Variants in MYO16 observed in about 807,000 individuals in gnomAD.
MYO16 encodes the protein unconventional myosin-XVI.
Under a neutral mutation model 205.3 loss-of-function variants are expected in MYO16, and 94 were observed. That is an observed-to-expected ratio of 0.46 (90% CI 0.39 to 0.54). The LOEUF (loss-of-function observed/expected upper bound fraction) is 0.54, where lower values mean the gene tolerates loss of function less well. MYO16 is among the 20% of genes least tolerant of loss of function. The pLI is 0.00. For missense variants in MYO16, 2,315 were observed against 2,387.5 expected (o/e 0.97, Z 0.63); for synonymous variants, 988 against 954.0 (o/e 1.04, Z -0.66).
intron 20 of MYO16, among the ~76,000 whole-genome samples, chr13:108,978,510 C>T (rs533559292): frequency 6.6e-6 from 1 of 151,856 alleles, no homozygotes; most frequent in Non-Finnish European, 1.5e-5. Context: ...TTCCTTTGCT[C>T]TTGTGAGACA....
At chr13:109,191,922 A>G (rs199606422) in intron 34 of MYO16, among the ~76,000 whole-genome samples, 3 of 152,214 alleles carry the variant, frequency 2.0e-5, no homozygotes, top group East Asian at 3.8e-4. Flanking sequence ...TATTAGACAT[A>G]TAGTTCTGTT....
rs373649 is a variant in MYO16 at position 108,826,630 on chromosome 13, T to A, written c.1097+3352T>A. ...AAAAAAGACACACAATGGGAGAAAA[T>A]TTCTTCAGTGCTATATCTAACAAAA... On this transcript the variant is annotated intron_variant, in intron 9 of 34. Coordinates refer to ENST00000457511, the MANE Select transcript of MYO16 (RefSeq NM_001198950.3). Among the ~76,000 whole-genome samples, 366 of 151,480 alleles carry A rather than the reference T, an allele frequency of 2.4e-3. 6 individuals are homozygous for A. The highest frequency in any genetic ancestry group is 7.6e-3 in the African/African-American group (314 of 41,294).
rs570548813 is a variant in MYO16 at position 109,127,109 on chromosome 13, C to T, written c.3783-173C>T. Among the ~76,000 whole-genome samples the T allele has an allele frequency of 5.8e-4, 89 of 152,248 alleles. No homozygotes were observed. The highest frequency in any genetic ancestry group is 1.4e-3 in the South Asian group (7 of 4,830). ...AAAGCCGGAGCCAGAGGACGGGTGG[C>T]CTTCTCTGGACCAACTGGTCACCAG... On this transcript the variant is annotated intron_variant, in intron 30 of 34. Transcript: ENST00000457511. This position sits in a 1 kb window ranked among gnomAD's most constrained non-coding sequence, Gnocchi z 4.2.
intron 4 of MYO16, among the ~76,000 whole-genome samples, chr13:108,784,026 C>T (rs547177349): frequency 4.7e-4 from 71 of 152,310 alleles, no homozygotes; most frequent in African/African-American, 1.6e-3. Flanking sequence ...GTTATGGCTA[C>T]ATGGCTGTGA....
intron 9 of MYO16, among the ~76,000 whole-genome samples, chr13:108,840,644 C>A (rs1048290963): frequency 6.6e-6 from 1 of 152,050 alleles, no homozygotes; most frequent in Non-Finnish European, 1.5e-5. Flanking sequence ...CCCAAGTGAT[C>A]CTCCCACCTC....
At chr13:109,130,146 CT>C (rs1183507260) in intron 31 of MYO16, among the ~76,000 whole-genome samples, 1 of 151,978 alleles carries the variant, frequency 6.6e-6, no homozygotes, top group East Asian at 1.9e-4. Flanking sequence ...TCTTAAATTC[CT>C]TATTACATGC....
intron 6 of MYO16, among the ~76,000 whole-genome samples, chr13:108,794,060 G>A (rs1206765470): frequency 6.6e-6 from 1 of 152,164 alleles, no homozygotes; most frequent in African/African-American, 2.4e-5. Context: ...CATTACCTAA[G>A]AGAATTACCA....
intron 13 of MYO16, among the ~76,000 whole-genome samples, chr13:108,885,930 T>C (rs1459421624): frequency 6.6e-6 from 1 of 152,122 alleles, no homozygotes; most frequent in Non-Finnish European, 1.5e-5. Flanking sequence ...TGACAGGTAT[T>C]TGCTCATGGA....
At chr13:108,953,670 A>T (rs999045928) in intron 16 of MYO16, among the ~76,000 whole-genome samples, 1 of 149,966 alleles carries the variant, frequency 6.7e-6, no homozygotes, top group Non-Finnish European at 1.5e-5. Context: ...TTTTGCCCTT[A>T]TGTGAGATTT....
At chr13:108,995,643 T>A (rs1333531226) in intron 21 of MYO16, among the ~76,000 whole-genome samples, 1 of 152,078 alleles carries the variant, frequency 6.6e-6, no homozygotes, top group African/African-American at 2.4e-5. Context: ...CCTGTGCCCA[T>A]GTGTTCTCAT....
At chr13:108,653,351 A>T (rs1461394000) in intron 1 of MYO16, among the ~76,000 whole-genome samples, 1 of 152,146 alleles carries the variant, frequency 6.6e-6, no homozygotes, top group Non-Finnish European at 1.5e-5. Flanking sequence ...TTTCACTGTG[A>T]TGCTTATGTA....
intron 34 of MYO16, among the ~76,000 whole-genome samples, chr13:109,184,593 GTT>G (rs869054350): frequency 7.4e-5 from 11 of 147,774 alleles, no homozygotes; most frequent in Admixed American, 1.4e-4. Flanking sequence ...TAGTGACTAT[GTT>G]TTTTTTTGTT....
intron 29 of MYO16, among the ~76,000 whole-genome samples, chr13:109,121,497 T>A (rs1875988818): frequency 6.6e-6 from 1 of 152,174 alleles, no homozygotes; most frequent in Non-Finnish European, 1.5e-5. Flanking sequence ...CTTTGGCCGG[T>A]CATTTGTAAC....
chr13:108,601,443 A>G (rs746382368), intron 1 of MYO16, among the ~76,000 whole-genome samples: 6 of 152,182 alleles, frequency 3.9e-5, no homozygotes, highest in Non-Finnish European at 8.8e-5. Context: ...ACAAAGGGGA[A>G]AACCAAATTA....
chr13:108,952,986 G>A (rs886502150), intron 16 of MYO16, among the ~76,000 whole-genome samples: 1 of 152,130 alleles, frequency 6.6e-6, no homozygotes, highest in African/African-American at 2.4e-5. Context: ...CTCAACCACT[G>A]TGTTGAGATT....
intron 16 of MYO16, among the ~76,000 whole-genome samples, chr13:108,943,176 A>G (rs1882798327): frequency 6.6e-6 from 1 of 152,338 alleles, no homozygotes; most frequent in East Asian, 1.9e-4. Context: ...TTGCCCAAAC[A>G]TAAACACTGT....
chr13:108,821,706 G>T (rs1393297190), intron 8 of MYO16, among the ~76,000 whole-genome samples: 1 of 152,068 alleles, frequency 6.6e-6, no homozygotes, highest in Non-Finnish European at 1.5e-5. Flanking sequence ...TCAAACAGAT[G>T]TCCAGGCATG....
At chr13:109,073,180 G>A (rs1260151986) in intron 27 of MYO16, among the ~76,000 whole-genome samples, 1 of 151,008 alleles carries the variant, frequency 6.6e-6, no homozygotes, top group Non-Finnish European at 1.5e-5. Flanking sequence ...CAGCTCACTG[G>A]AACCTCCTCC....
At chr13:108,856,892 C>A (rs1878204165) in intron 11 of MYO16, among the ~76,000 whole-genome samples, 1 of 152,128 alleles carries the variant, frequency 6.6e-6, no homozygotes, top group African/African-American at 2.4e-5. Context: ...TTTTATAAAG[C>A]ACAAATGTAA....
Sources: allele counts gnomAD v4.1 joint callset (sites outside exome capture counted in the v4.1 genomes callset), GRCh38; gene constraint gnomAD v4.1.1; non-coding constraint Gnocchi (gnomAD v3.1); transcripts MANE v1.5; gene names NCBI Gene and HGNC (gene_info 2026-07-23, HGNC 2026-07-21).